Variants in IL1R1 observed in about 807,000 individuals in gnomAD.
IL1R1 encodes interleukin-1 receptor type 1.
IL1R1 carries 22 observed loss-of-function variants against 50.2 expected under a neutral mutation model. The ratio of observed to expected loss-of-function variants is 0.44; its 90% CI spans 0.31 to 0.63. IL1R1 has a LOEUF of 0.63. Among genes scored for constraint, IL1R1 ranks in the 20% least tolerant of loss-of-function variants. The probability of loss-of-function intolerance (pLI) is 0.07; values close to 1 mark genes in which losing one functional copy is unlikely to be tolerated. For synonymous variants in IL1R1, 251 were observed against 236.7 expected (o/e 1.06, Z -0.55); for missense variants, 509 against 676.2 (o/e 0.75, Z 2.74).
At chr2:102,123,459 T>A (rs529360971) in intron 1 of IL1R1, among the ~76,000 whole-genome samples, 31 of 152,306 alleles carry the variant, frequency 2.0e-4, no homozygotes, top group African/African-American at 7.5e-4. Flanking sequence ...GAAATCTTTT[T>A]AAATTGTATC....
At chr2:102,110,807 C>T (rs1680715665) in intron 1 of IL1R1, among the ~76,000 whole-genome samples, 1 of 151,948 alleles carries the variant, frequency 6.6e-6, no homozygotes, top group African/African-American at 2.4e-5. Flanking sequence ...GTGGACCCTG[C>T]CAGGGTTGCA....
At chr2:102,127,737 A>G (rs1194769734) in intron 1 of IL1R1, among the ~76,000 whole-genome samples, 1 of 151,846 alleles carries the variant, frequency 6.6e-6, no homozygotes, top group Non-Finnish European at 1.5e-5. Context: ...CTATTTGGCA[A>G]CAAGAGAGGA....
intron 1 of IL1R1, among the ~76,000 whole-genome samples, chr2:102,075,056 T>C (rs1015950534): frequency 3.3e-5 from 5 of 152,202 alleles, no homozygotes; most frequent in African/African-American, 1.2e-4. Context: ...TCTTGTTTTT[T>C]GAGTTGGACC....
intron 1 of IL1R1, among the ~76,000 whole-genome samples, chr2:102,084,423 T>C (rs1414189566): frequency 6.6e-6 from 1 of 152,204 alleles, no homozygotes; most frequent in East Asian, 1.9e-4. Context: ...CAACTCACAG[T>C]AGTAAAAATC....
upstream of IL1R1, among the ~76,000 whole-genome samples, chr2:102,139,351 G>A (rs1057063492): frequency 6.6e-6 from 1 of 152,212 alleles, no homozygotes; most frequent in African/African-American, 2.4e-5. Flanking sequence ...CATATCTGCT[G>A]CCAGGCCTGC....
At chr2:102,132,751 G>A (rs1003921145) in intron 1 of IL1R1, among the ~76,000 whole-genome samples, 1 of 152,116 alleles carries the variant, frequency 6.6e-6, no homozygotes, top group Non-Finnish European at 1.5e-5. Context: ...ATCAATGGTA[G>A]GAACTAGGTA....
Position 102,134,431 on chromosome 2 carries a change from G to T in IL1R1, c.-83-19510G>T, listed in dbSNP as rs138959443. Among the ~76,000 whole-genome samples the T allele has an allele frequency of 3.5e-3, 535 of 151,164 alleles. 3 individuals are homozygous for T. Among genetic ancestry groups the T allele is most frequent in the African/African-American group, 0.012 (501 of 41,100 alleles). On this transcript the variant is annotated intron_variant, in intron 1 of 10. Coordinates refer to the IL1R1 transcript ENST00000409329. ...TCGCTCTTGTTGACCAGGCTGGAGC[G>T]CAATGGCACAGATTTCGGCTCACCG...
At chr2:102,077,286 G>A (rs1050467594) in intron 1 of IL1R1, among the ~76,000 whole-genome samples, 3 of 152,124 alleles carry the variant, frequency 2.0e-5, no homozygotes, top group African/African-American at 7.2e-5. Context: ...GGCCAGGCTG[G>A]TCTTGAACTC....
intron 1 of IL1R1, among the ~76,000 whole-genome samples, chr2:102,079,411 C>T (rs1157628281): frequency 6.6e-6 from 1 of 151,902 alleles, no homozygotes; most frequent in African/African-American, 2.4e-5. Flanking sequence ...TTGCAAGATA[C>T]AAAATCAATA....
At position 102,121,102 on chromosome 2, in the gene IL1R1, C is replaced by G. The variant is rs117452094; in HGVS notation, c.-84+16230C>G. Among the ~76,000 whole-genome samples the G allele has an allele frequency of 6.5e-4, 99 of 152,268 alleles. No individual in the cohort carries two copies. In the East Asian group the frequency reaches 0.018, roughly 28 times the overall value. On this transcript the variant is annotated intron_variant, in intron 1 of 10. Coordinates refer to the IL1R1 transcript ENST00000409329. ...CATGGAGCTGGCCCCCGGGAGATGGCTCATCCTGCTTGGTCAATGGCCACG... is the reference window on the plus strand; with the variant it reads ...CATGGAGCTGGCCCCCGGGAGATGGGTCATCCTGCTTGGTCAATGGCCACG...
rs1388997385 is a variant in IL1R1 at position 102,179,129 on chromosome 2, C to G, written c.*2370C>G. On this transcript the variant is annotated 3_prime_UTR_variant, in exon 12 of 12. Coordinates refer to ENST00000410023, the MANE Select transcript of IL1R1 (RefSeq NM_000877.4). ...AGCCCATGGAGCAGGGATGTCACGTCTTGAAAAGCCTATTAGATGTTTTAC... is the reference window on the plus strand; with the variant it reads ...AGCCCATGGAGCAGGGATGTCACGTGTTGAAAAGCCTATTAGATGTTTTAC... 6.6e-6 allele frequency: 1 copy of G among 152,274 alleles called. No homozygotes were observed. Among genetic ancestry groups the G allele is most frequent in the African/African-American group, 2.4e-5 (1 of 41,428 alleles). The allele number at this position is 152,274 out of a possible 1,614,324, so 9.4% of individuals were successfully genotyped here. A position where few individuals can be genotyped will look rare whatever the true frequency, so the allele number is the denominator to read the frequency against.
At chr2:102,159,208 T>C (rs866962946) in intron 3 of IL1R1, among the ~76,000 whole-genome samples, 2 of 152,298 alleles carry the variant, frequency 1.3e-5, no homozygotes, top group South Asian at 2.1e-4. Context: ...ATATATAAAA[T>C]TGGAGACCTC....
rs566711095 is a variant in IL1R1 at position 102,158,051 on chromosome 2, T to C, written c.61+266T>C. Among the ~76,000 whole-genome samples the C allele has an allele frequency of 9.2e-5, 14 of 152,334 alleles. 1 individual carries two copies. In the South Asian group the frequency reaches 2.9e-3, roughly 32 times the overall value. ...TAGTTTTGGAACAAAAGCTAAAATC[T>C]AGGTCTCCAATCTAGGTCCAGGCCT... On this transcript the variant is annotated intron_variant, in intron 3 of 11. Coordinates refer to ENST00000410023, the MANE Select transcript of IL1R1 (RefSeq NM_000877.4).
At chr2:102,114,995 AG>A (rs929841306) in intron 1 of IL1R1, among the ~76,000 whole-genome samples, 2 of 152,126 alleles carry the variant, frequency 1.3e-5, no homozygotes, top group African/African-American at 4.8e-5. Context: ...ACATACAAAT[AG>A]GGGAAATGTC....
At chr2:102,166,774 T>C (rs1036474364) in intron 6 of IL1R1, among the ~76,000 whole-genome samples, 1 of 152,126 alleles carries the variant, frequency 6.6e-6, no homozygotes, top group African/African-American at 2.4e-5. Context: ...TGTAACAAGA[T>C]GATGCAATCT....
chr2:102,106,531 G>T (rs1680420936), intron 1 of IL1R1, among the ~76,000 whole-genome samples: 1 of 152,008 alleles, frequency 6.6e-6, no homozygotes, highest in South Asian at 2.1e-4. Context: ...GAATAGCGAG[G>T]GTATACTTCT....
At chr2:102,164,559 G>T (rs1292824116) in intron 3 of IL1R1, among the ~76,000 whole-genome samples, 1 of 152,098 alleles carries the variant, frequency 6.6e-6, no homozygotes, top group Non-Finnish European at 1.5e-5. Flanking sequence ...TAAATAACTT[G>T]CCAGGGGTAC....
At chr2:102,074,327 C>T (rs1678868817) in intron 1 of IL1R1, among the ~76,000 whole-genome samples, 1 of 151,420 alleles carries the variant, frequency 6.6e-6, no homozygotes, top group South Asian at 2.1e-4. Flanking sequence ...CCATATGGTG[C>T]TTTCACACGT....
chr2:102,123,449 G>A (rs1681511514), intron 1 of IL1R1, among the ~76,000 whole-genome samples: 1 of 152,142 alleles, frequency 6.6e-6, no homozygotes. Flanking sequence ...AAGGCTAGGG[G>A]AAATCTTTTT....
Sources: allele counts gnomAD v4.1 joint callset (sites outside exome capture counted in the v4.1 genomes callset), GRCh38; gene constraint gnomAD v4.1.1; transcripts MANE v1.5; gene names NCBI Gene and HGNC (gene_info 2026-07-23, HGNC 2026-07-21).